Variants in SEM1 observed in about 807,000 individuals in gnomAD.
SEM1 encodes the protein 26S proteasome complex subunit SEM1.
A neutral mutation model predicts 12.7 loss-of-function variants in SEM1; 3 were observed. That is an observed-to-expected ratio of 0.24 (90% confidence interval 0.11 to 0.61). The LOEUF (loss-of-function observed/expected upper bound fraction) is 0.61, where lower values mean the gene tolerates loss of function less well. SEM1 is among the 20% of genes least tolerant of loss of function. The pLI is 0.88. For missense variants in SEM1, 59 were observed against 81.3 expected, an observed-to-expected ratio of 0.73 and a Z score of 1.06; for synonymous variants, 30 against 27.8, an observed-to-expected ratio of 1.08 and a Z score of -0.25.
chr7:96,486,392 GCAAACACA>G lies in SEM1; in HGVS notation c.30_37del (p.Val11CysfsTer34), dbSNP rs1802769233. 1 of 1,536,836 alleles carries G rather than the reference GCAAACACA, an allele frequency of 6.5e-7. No individual in the cohort carries two copies. The highest frequency in any genetic ancestry group is 1.4e-5 in the African/African-American group (1 of 72,988). On this transcript the variant is annotated frameshift_variant, in exon 2 of 4. Transcript: ENST00000356686. LOFTEE classifies it high-confidence loss of function. ...TCTTCCCACTTTTCCTCCTTGTACA[GCAAACACA>G]GCACAAATGTTGGAGTCCTATAAGG...
At chr7:96,499,751 G>T (rs1248333360), upstream of SEM1, among the ~76,000 whole-genome samples, 1 of 152,182 alleles carries the variant, frequency 6.6e-6, no homozygotes, top group Non-Finnish European at 1.5e-5. Flanking sequence ...CATTTGATCG[G>T]ATTGTGGCAG....
chr7:96,506,589 G>T (rs1803760806), intron 3 of SEM1: 1 of 151,986 alleles, frequency 6.6e-6, no homozygotes, highest in South Asian at 2.1e-4. Context: ...TCAGGTTATG[G>T]ATCCCACTTA....
chr7:96,586,102 G>A (rs891894790), intron 2 of SEM1, among the ~76,000 whole-genome samples: 2 of 152,204 alleles, frequency 1.3e-5, no homozygotes, highest in African/African-American at 4.8e-5. Context: ...GCCTCCCAAA[G>A]TGCTGGGATT....
chr7:96,663,367 C>T (rs1267531904), intron 2 of SEM1, among the ~76,000 whole-genome samples: 1 of 152,072 alleles, frequency 6.6e-6, no homozygotes. Context: ...GTCTGGGTTC[C>T]CCAGGAGGTA....
intron 2 of SEM1, among the ~76,000 whole-genome samples, chr7:96,659,937 C>T (rs1244003598): frequency 1.1e-5 from 1 of 94,318 alleles, no homozygotes; most frequent in Non-Finnish European, 2.3e-5. Flanking sequence ...AAAACAAAAA[C>T]AAGCCCAAAT....
At chr7:96,565,117 G>A (rs1019056339) in intron 2 of SEM1, among the ~76,000 whole-genome samples, 1 of 151,878 alleles carries the variant, frequency 6.6e-6, no homozygotes, top group Non-Finnish European at 1.5e-5. Context: ...CAGAGCAGGA[G>A]GTCTTATCTG....
chr7:96,654,684 T>C (rs1417495597), intron 2 of SEM1, among the ~76,000 whole-genome samples: 1 of 152,120 alleles, frequency 6.6e-6, no homozygotes, highest in Non-Finnish European at 1.5e-5. Flanking sequence ...TGATGTTTGG[T>C]AGGTAAGATG....
upstream of SEM1, among the ~76,000 whole-genome samples, chr7:96,500,383 GT>G (rs534131398): frequency 1.3e-5 from 2 of 151,952 alleles, no homozygotes; most frequent in Non-Finnish European, 1.5e-5. Context: ...TACTACCTGT[GT>G]TTTTTTATGA....
intron 2 of SEM1, among the ~76,000 whole-genome samples, chr7:96,655,355 C>A (rs1483500570): frequency 1.3e-5 from 2 of 151,812 alleles, no homozygotes; most frequent in African/African-American, 4.8e-5. Flanking sequence ...TTTCCACTTA[C>A]ATTGATCAGC....
intron 2 of SEM1, among the ~76,000 whole-genome samples, chr7:96,659,487 T>G (rs1189439857): frequency 6.6e-6 from 1 of 152,108 alleles, no homozygotes; most frequent in African/African-American, 2.4e-5. Flanking sequence ...CCAGAGGAGA[T>G]AGAGAAACTT....
At chr7:96,583,572 T>G (rs1806496016) in intron 2 of SEM1, among the ~76,000 whole-genome samples, 1 of 150,018 alleles carries the variant, frequency 6.7e-6, no homozygotes, top group Non-Finnish European at 1.5e-5. Flanking sequence ...GACAGTGGTG[T>G]GTTAAAGTCT....
At chr7:96,707,793 T>G (rs780323134) in intron 1 of SEM1, among the ~76,000 whole-genome samples, 8 of 152,202 alleles carry the variant, frequency 5.3e-5, no homozygotes, top group Non-Finnish European at 1.2e-4. Context: ...AGGTACATAG[T>G]TATCTCTAGA....
chr7:96,633,285 A>AAT lies in SEM1; in HGVS notation c.171-10644_171-10643dup, dbSNP rs1400806867. 9.5e-3 allele frequency among the ~76,000 whole-genome samples: 1,424 copies of AAT among 150,542 alleles called. 18 individuals carry two copies. The highest frequency in any genetic ancestry group is 0.033 in the African/African-American group (1,341 of 41,196). On this transcript the variant is annotated intron_variant, in intron 2 of 2. Transcript: ENST00000417009. The stretch of plus-strand genomic sequence containing the variant: ...ACAGGGAGAAAATATGATGGTTCTA[A>AAT]ATATATATATATATAGGGTAGCAAC...
chr7:96,547,808 T>C (rs907244817), intron 2 of SEM1, among the ~76,000 whole-genome samples: 1 of 152,104 alleles, frequency 6.6e-6, no homozygotes, highest in Non-Finnish European at 1.5e-5. Flanking sequence ...TACACAGGAT[T>C]CTTGCTTACT....
chr7:96,537,913 T>C (rs535718605), intron 2 of SEM1, among the ~76,000 whole-genome samples: 34 of 151,976 alleles, frequency 2.2e-4, no homozygotes, highest in African/African-American at 7.7e-4. Flanking sequence ...ATTCCAATTA[T>C]GGAGATATTA....
intron 2 of SEM1, among the ~76,000 whole-genome samples, chr7:96,515,432 T>C (rs1804059887): frequency 6.6e-6 from 1 of 151,794 alleles, no homozygotes; most frequent in Admixed American, 6.6e-5. Context: ...TTGGTGGGAG[T>C]GTAAAATAAT....
upstream of SEM1, chr7:96,496,396 C>CT: frequency 1.2e-6 from 1 of 827,544 alleles, no homozygotes; most frequent in Non-Finnish European, 1.9e-6. Flanking sequence ...TAAAGCCAAA[C>CT]TTCACAAATG....
At chr7:96,521,221 C>T (rs1804258383) in intron 2 of SEM1, among the ~76,000 whole-genome samples, 2 of 152,114 alleles carry the variant, frequency 1.3e-5, no homozygotes, top group Admixed American at 6.6e-5. Flanking sequence ...CACACTCTCT[C>T]CAGCTTTTAT....
At chr7:96,503,729 G>A (rs149715569) in intron 3 of SEM1, among the ~76,000 whole-genome samples, 1 of 152,200 alleles carries the variant, frequency 6.6e-6, no homozygotes, top group East Asian at 1.9e-4. Flanking sequence ...TAGATATTCT[G>A]AACAGAAAGT....
Sources: allele counts gnomAD v4.1 joint callset (sites outside exome capture counted in the v4.1 genomes callset), GRCh38; gene constraint gnomAD v4.1.1; transcripts MANE v1.5; gene names NCBI Gene and HGNC (gene_info 2026-07-23, HGNC 2026-07-21).